Variants in TBCA observed in about 807,000 individuals in gnomAD.
TBCA encodes tubulin folding cofactor A, also known as tubulin-specific chaperone A.
In TBCA, 6 loss-of-function variants were observed where a neutral mutation model predicts 15.8. That is an observed-to-expected ratio of 0.38 (90% CI 0.21 to 0.75). The LOEUF is 0.75. TBCA is among the 30% of genes least tolerant of loss of function. The pLI is 0.46. For missense variants in TBCA, 90 were observed against 131.2 expected (o/e 0.69, Z 1.53); for synonymous variants, 32 against 42.3 (o/e 0.76, Z 0.94).
At chr5:77,693,541 G>C (rs1745802879) in intron 2 of TBCA, 189 bp from the exon 3 acceptor site, 3 of 702,530 alleles carry the variant, frequency 4.3e-6, no homozygotes, top group Non-Finnish European at 7.0e-6. Context: ...GCTCACGCCT[G>C]TAATCCCAGC....
At chr5:77,775,425 T>G (rs116379579) in intron 1 of TBCA, among the ~76,000 whole-genome samples, 2,566 of 152,318 alleles carry the variant, frequency 0.017, 37 homozygotes, top group Non-Finnish European at 0.026. Context: ...GACTAATATC[T>G]GAGGTCTCCC....
intron 1 of TBCA, among the ~76,000 whole-genome samples, chr5:77,723,789 A>C (rs1746574041): frequency 1.3e-5 from 2 of 152,208 alleles, no homozygotes; most frequent in Non-Finnish European, 2.9e-5. Flanking sequence ...TATCTTAAAT[A>C]CTTTGAAAAG....
chr5:77,691,850 ATT>A, intron 3 of TBCA: 2 of 1,002,318 alleles, frequency 2.0e-6, no homozygotes, highest in Non-Finnish European at 1.2e-6. Flanking sequence ...AAAAAGGAAG[ATT>A]TACTAACATG....
intron 1 of TBCA, among the ~76,000 whole-genome samples, chr5:77,739,972 A>G (rs1221065651): frequency 6.6e-6 from 1 of 152,232 alleles, no homozygotes; most frequent in African/African-American, 2.4e-5. Flanking sequence ...AGGGCTATTA[A>G]GAATACTTCC....
At chr5:77,747,508 T>C (rs1460842178) in intron 1 of TBCA, among the ~76,000 whole-genome samples, 1 of 152,164 alleles carries the variant, frequency 6.6e-6, no homozygotes, top group African/African-American at 2.4e-5. Flanking sequence ...GGCAAGCGTC[T>C]ATAACTGCTC....
rs139915887 is a variant in TBCA at position 77,709,252 on chromosome 5, A to G, written c.54-905T>C. The stretch of plus-strand genomic sequence containing the variant: ...AAGTGGTGGAAACAAACTAGTATTT[A>G]CTTACTAAAGTAAGAAAAAGTATTT... On this transcript the variant is annotated intron_variant, in intron 1 of 3. Transcript: ENST00000380377. Among the ~76,000 whole-genome samples, 307 of 152,316 alleles carry G rather than the reference A, an allele frequency of 2.0e-3. 2 individuals carry two copies. The highest frequency in any genetic ancestry group is 7.2e-3 in the African/African-American group (300 of 41,574).
chr5:77,764,129 T>C (rs1446791206), intron 1 of TBCA, among the ~76,000 whole-genome samples: 1 of 152,206 alleles, frequency 6.6e-6, no homozygotes, highest in African/African-American at 2.4e-5. Flanking sequence ...GAAAATGCCC[T>C]TCTTATAAAG....
At chr5:77,722,294 TTATG>T (rs1233838675) in intron 1 of TBCA, among the ~76,000 whole-genome samples, 1 of 152,044 alleles carries the variant, frequency 6.6e-6, no homozygotes, top group Non-Finnish European at 1.5e-5. Flanking sequence ...CTAACTTGTA[TTATG>T]TATGAGGGGA....
intron 1 of TBCA, among the ~76,000 whole-genome samples, chr5:77,774,081 T>A (rs893063409): frequency 1.3e-5 from 2 of 152,186 alleles, no homozygotes. Context: ...ACATGTCTCA[T>A]TACACATTCC....
intron 1 of TBCA, among the ~76,000 whole-genome samples, chr5:77,728,500 A>G (rs1028668940): frequency 3.3e-5 from 5 of 152,152 alleles, no homozygotes; most frequent in Non-Finnish European, 5.9e-5. Context: ...AAAGGAAAGA[A>G]CCATGTAAAC....
chr5:77,755,435 T>C (rs1351637857), intron 1 of TBCA, among the ~76,000 whole-genome samples: 1 of 151,420 alleles, frequency 6.6e-6, no homozygotes, highest in Non-Finnish European at 1.5e-5. Context: ...AAATTAGCCG[T>C]GTGTGGTGGT....
chr5:77,772,414 A>G (rs1448136247), intron 1 of TBCA, among the ~76,000 whole-genome samples: 1 of 152,136 alleles, frequency 6.6e-6, no homozygotes, highest in Non-Finnish European at 1.5e-5. Flanking sequence ...ACCATGGCAC[A>G]TGTGTACCTA....
chr5:77,702,514 G>A (rs1746041165), intron 2 of TBCA, among the ~76,000 whole-genome samples: 1 of 152,190 alleles, frequency 6.6e-6, no homozygotes, highest in Non-Finnish European at 1.5e-5. Context: ...AGAGGATTGG[G>A]TGGCTAAAAA....
At chr5:77,733,926 C>T (rs958925044) in intron 1 of TBCA, among the ~76,000 whole-genome samples, 2 of 152,218 alleles carry the variant, frequency 1.3e-5, no homozygotes, top group African/African-American at 2.4e-5. Flanking sequence ...GCAGCTAGTA[C>T]TTTAAGTTGA....
chr5:77,713,227 T>A (rs995374495), intron 1 of TBCA, among the ~76,000 whole-genome samples: 3 of 152,008 alleles, frequency 2.0e-5, no homozygotes, highest in Non-Finnish European at 4.4e-5. Context: ...GCCTAGGGAG[T>A]CAAGGATGCA....
At chr5:77,729,312 T>TA (rs528333530) in intron 1 of TBCA, among the ~76,000 whole-genome samples, 7 of 150,118 alleles carry the variant, frequency 4.7e-5, no homozygotes, top group Middle Eastern at 3.2e-3. Flanking sequence ...AGATTCCATC[T>TA]AAAAAAAAAG....
chr5:77,700,109 G>A (rs1479134626), intron 2 of TBCA, among the ~76,000 whole-genome samples: 1 of 151,876 alleles, frequency 6.6e-6, no homozygotes, highest in Non-Finnish European at 1.5e-5. Flanking sequence ...GGAGGCTGAG[G>A]TGGAAGGATC....
chr5:77,730,066 A>C (rs1746729036), intron 1 of TBCA, among the ~76,000 whole-genome samples: 1 of 152,230 alleles, frequency 6.6e-6, no homozygotes, highest in Non-Finnish European at 1.5e-5. Context: ...GAAAGCTCTG[A>C]AGCTTGGATA....
intron 1 of TBCA, among the ~76,000 whole-genome samples, chr5:77,727,720 A>G (rs532842398): frequency 4.6e-5 from 7 of 152,182 alleles, no homozygotes; most frequent in Non-Finnish European, 1.0e-4. Flanking sequence ...ATATAGCCCA[A>G]ATACATACAA....
Sources: allele counts gnomAD v4.1 joint callset (sites outside exome capture counted in the v4.1 genomes callset), GRCh38; gene constraint gnomAD v4.1.1; transcripts MANE v1.5; gene names NCBI Gene and HGNC (gene_info 2026-07-23, HGNC 2026-07-21).